NTM: variants seen among roughly 807,000 people sequenced by gnomAD.
The protein encoded by NTM is IgLON family member 2.
In NTM, 13 loss-of-function variants were observed where a neutral mutation model predicts 42.1. The observed-to-expected ratio is 0.31, with a 90% CI of 0.20 to 0.49. The LOEUF (loss-of-function observed/expected upper bound fraction) is 0.49. Among genes scored for constraint, NTM ranks in the 20% least tolerant of loss-of-function variants. The pLI is 0.99. For missense variants in NTM, 373 were observed against 452.8 expected (o/e 0.82, Z 1.60); for synonymous variants, 187 against 179.2 (o/e 1.04, Z -0.35).
At chr11:131,777,540 G>T (rs1019292210) in intron 1 of NTM, among the ~76,000 whole-genome samples, 2 of 146,404 alleles carry the variant, frequency 1.4e-5, no homozygotes, top group Non-Finnish European at 3.0e-5. Context: ...TTTGATAACT[G>T]CTCTCCATGG....
In NTM at chr11:131,597,967, C is replaced by A. The variant is rs144450836; in HGVS notation, c.82+227079C>A. ...ACCAGCCACAAAACTGGAAACGTGG[C>A]CAGTCTGAGTGGCCCAGGCCCCAGG... is the stretch of plus-strand genomic sequence containing the variant. On this transcript the variant is annotated intron_variant, in intron 1 of 8. Transcript: ENST00000683400. Among the ~76,000 whole-genome samples the A allele has an allele frequency of 8.5e-5, 13 of 152,322 alleles. No homozygotes were observed. The East Asian group carries it at 2.5e-3, about 29-fold the overall frequency.
chr11:132,023,806 TGG>T (rs1491374466), intron 2 of NTM, among the ~76,000 whole-genome samples: 13 of 124,710 alleles, frequency 1.0e-4, no homozygotes, highest in South Asian at 2.5e-4. Context: ...TTGGTGGTGG[TGG>T]TTTTGTTGTT....
At position 131,888,908 on chromosome 11, in the gene NTM, A is replaced by T. The variant is rs937163160; in HGVS notation, c.83-22656A>T. On this transcript the variant is annotated intron_variant, in intron 1 of 8. Coordinates refer to ENST00000683400, the MANE Select transcript of NTM (RefSeq NM_001352005.2). ...ATAGAATCTAGCTTTATTCCTCTTT[A>T]TTTTTTTTTTTTTTATTTTACCAGT... is the stretch of plus-strand genomic sequence containing the variant. Among the ~76,000 whole-genome samples the T allele has an allele frequency of 9.0e-5, 13 of 143,808 alleles. No homozygotes were observed. In the East Asian group the frequency reaches 1.4e-3, roughly 16 times the overall value. The allele number at this position is 143,808 out of a possible 152,430, so 94.3% of individuals were successfully genotyped here.
At chr11:131,729,102 A>G (rs1473884582) in intron 1 of NTM, among the ~76,000 whole-genome samples, 2 of 152,228 alleles carry the variant, frequency 1.3e-5, no homozygotes, top group Admixed American at 6.5e-5. Flanking sequence ...GGCATGTACT[A>G]AAAATGTGAC....
At chr11:132,255,069 C>T (rs377091259) in intron 4 of NTM, among the ~76,000 whole-genome samples, 2 of 152,198 alleles carry the variant, frequency 1.3e-5, no homozygotes, top group African/African-American at 2.4e-5. Flanking sequence ...GAACCACATG[C>T]GGAGTTGAGG....
At chr11:131,609,230 A>T (rs1055152398) in intron 1 of NTM, among the ~76,000 whole-genome samples, 14 of 152,248 alleles carry the variant, frequency 9.2e-5, no homozygotes, top group African/African-American at 3.4e-4. Flanking sequence ...GCACGCAGGC[A>T]CTACCTTCCT....
chr11:131,927,652 G>T (rs2058110702), intron 2 of NTM, among the ~76,000 whole-genome samples: 2 of 152,154 alleles, frequency 1.3e-5, no homozygotes, highest in Admixed American at 6.5e-5. Flanking sequence ...ACAACATGGG[G>T]TTCCGTACTT....
chr11:131,508,348 C>G (rs1270965265), intron 1 of NTM, among the ~76,000 whole-genome samples: 3 of 149,102 alleles, frequency 2.0e-5, no homozygotes, highest in Admixed American at 6.7e-5. Flanking sequence ...CCATCTCACA[C>G]CAGTTAGAAT....
At chr11:131,960,638 GAA>G (rs1441610515) in intron 2 of NTM, among the ~76,000 whole-genome samples, 3 of 152,218 alleles carry the variant, frequency 2.0e-5, no homozygotes, top group African/African-American at 7.2e-5. Context: ...TCAGTTAAAT[GAA>G]GGTATTTGCA....
At chr11:131,489,787 G>A (rs895229759) in intron 1 of NTM, among the ~76,000 whole-genome samples, 1 of 152,206 alleles carries the variant, frequency 6.6e-6, no homozygotes, top group Non-Finnish European at 1.5e-5. Flanking sequence ...CCTGGCCTTA[G>A]CCAAGTTCAC....
rs533176237 is a variant in NTM at position 131,672,318 on chromosome 11, G to A, written c.83-239246G>A. Reference sequence around the variant, plus strand: ...CCAGCGAGCCAGGCTTCTGGGGCCAGGTGAAGGCAGAGGCGGCGACTTGAG... The same window carrying A: ...CCAGCGAGCCAGGCTTCTGGGGCCAAGTGAAGGCAGAGGCGGCGACTTGAG... On this transcript the variant is annotated intron_variant, in intron 1 of 8. Transcript: ENST00000683400. 1.5e-4 allele frequency among the ~76,000 whole-genome samples: 23 copies of A among 152,338 alleles called. No individual in the cohort carries two copies. In the South Asian group the frequency reaches 4.8e-3, roughly 32 times the overall value.
At chr11:131,777,442 A>AC (rs1387967241) in intron 1 of NTM, among the ~76,000 whole-genome samples, 1 of 69,192 alleles carries the variant, frequency 1.4e-5, no homozygotes, top group Non-Finnish European at 2.6e-5. Context: ...CATCCCCCCC[A>AC]CCCCCCACCC....
At chr11:131,396,274 C>A (rs1457425668) in intron 1 of NTM, among the ~76,000 whole-genome samples, 3 of 152,198 alleles carry the variant, frequency 2.0e-5, no homozygotes, top group Non-Finnish European at 4.4e-5. Flanking sequence ...AGGGTTAAAT[C>A]TATAAAATAT....
At chr11:131,512,213 A>G (rs1267578722) in intron 1 of NTM, among the ~76,000 whole-genome samples, 1 of 152,258 alleles carries the variant, frequency 6.6e-6, no homozygotes, top group Non-Finnish European at 1.5e-5. Flanking sequence ...CAGTGGGTGC[A>G]TGCACACGGT....
chr11:132,231,917 C>CT (rs5795765), intron 4 of NTM, among the ~76,000 whole-genome samples: 97,675 of 151,888 alleles, frequency 0.64, 31,663 homozygotes, highest in Middle Eastern at 0.77. Context: ...AAGTTCTCCC[C>CT]CTGCCTAGCT....
intron 1 of NTM, among the ~76,000 whole-genome samples, chr11:131,632,491 C>T (rs2063750892): frequency 6.6e-6 from 1 of 152,122 alleles, no homozygotes; most frequent in Non-Finnish European, 1.5e-5. Context: ...CAGGACAAAG[C>T]TCTCATGGAC....
chr11:132,274,943 T>C (rs536854093), intron 4 of NTM, among the ~76,000 whole-genome samples: 5 of 152,276 alleles, frequency 3.3e-5, no homozygotes, highest in African/African-American at 1.2e-4. Flanking sequence ...TAAAATGCAT[T>C]ATGTTATTTT....
At chr11:132,207,554 CT>C (rs2082177562) in intron 3 of NTM, among the ~76,000 whole-genome samples, 1 of 152,096 alleles carries the variant, frequency 6.6e-6, no homozygotes, top group Admixed American at 6.6e-5. Context: ...TTGAATCATC[CT>C]GAAACCATTC....
chr11:132,230,829 C>G (rs1251375316), intron 4 of NTM, among the ~76,000 whole-genome samples: 9 of 152,148 alleles, frequency 5.9e-5, no homozygotes, highest in Admixed American at 3.9e-4. Context: ...CGAGACCAGC[C>G]TAGGCAACAT....
Sources: allele counts gnomAD v4.1 joint callset (sites outside exome capture counted in the v4.1 genomes callset), GRCh38; gene constraint gnomAD v4.1.1; transcripts MANE v1.5; gene names NCBI Gene and HGNC (gene_info 2026-07-23, HGNC 2026-07-21).